Variants in SLC35D2 observed in about 807,000 individuals in gnomAD.
SLC35D2 encodes the protein nucleotide sugar transporter SLC35D2.
SLC35D2 carries 43 observed loss-of-function variants against 41.8 expected under a neutral mutation model. That is an observed-to-expected ratio of 1.03 (90% CI 0.81 to 1.33). SLC35D2 has a LOEUF of 1.33. SLC35D2 is among the 40% of genes most tolerant of loss of function. The pLI is 0.00. For missense variants in SLC35D2, 380 were observed against 408.4 expected (o/e 0.93, Z 0.60); for synonymous variants, 150 against 163.9 (o/e 0.92, Z 0.65).
At chr9:96,372,470 G>T (rs778658792) in intron 1 of SLC35D2, among the ~76,000 whole-genome samples, 26 of 149,370 alleles carry the variant, frequency 1.7e-4, no homozygotes, top group Non-Finnish European at 3.6e-4. Context: ...GGGGAGAAAA[G>T]AAGAAAAGAA....
chr9:96,326,002 G>T (rs560202251), intron 9 of SLC35D2, among the ~76,000 whole-genome samples: 3 of 152,162 alleles, frequency 2.0e-5, no homozygotes, highest in Non-Finnish European at 4.4e-5. Flanking sequence ...CTTAAATTTT[G>T]TAATCTTTGC....
chr9:96,336,869 A>G, intron 8 of SLC35D2, 85 bp from the exon 9 acceptor site: 1 of 779,974 alleles, frequency 1.3e-6, no homozygotes, highest in Non-Finnish European at 2.1e-6. Context: ...GCATTTTGAT[A>G]CAGGAACCAT....
At chr9:96,361,020 G>A (rs1415843275) in intron 3 of SLC35D2, among the ~76,000 whole-genome samples, 1 of 152,104 alleles carries the variant, frequency 6.6e-6, no homozygotes, top group Non-Finnish European at 1.5e-5. Context: ...TGGGATTACA[G>A]GTGTGAGCCA....
At chr9:96,374,600 C>T (rs1019695403) in intron 1 of SLC35D2, among the ~76,000 whole-genome samples, 8 of 150,212 alleles carry the variant, frequency 5.3e-5, no homozygotes, top group African/African-American at 1.2e-4. Flanking sequence ...TTTGGGAGGA[C>T]GAGGCGGGTG....
At chr9:96,321,378 G>A (rs1828217938) in intron 11 of SLC35D2, 37 bp from the exon 12 acceptor site, 5 of 1,456,396 alleles carry the variant, frequency 3.4e-6, no homozygotes, top group Non-Finnish European at 4.8e-6. Context: ...AAATGACTGG[G>A]AATTTCACAG....
chr9:96,313,941 G>A (rs528641145), exon 12 of SLC35D2: 1 of 152,424 alleles, frequency 6.6e-6, no homozygotes, highest in East Asian at 1.9e-4. Context: ...GGTAGAGAGG[G>A]CCCTAGCCCC....
At chr9:96,327,696 A>G (rs1168974521) in intron 9 of SLC35D2, among the ~76,000 whole-genome samples, 1 of 150,228 alleles carries the variant, frequency 6.7e-6, no homozygotes, top group Admixed American at 6.7e-5. Flanking sequence ...ATCATGGTTC[A>G]CTGCAGCCTC....
intron 2 of SLC35D2, among the ~76,000 whole-genome samples, chr9:96,364,941 T>A (rs760629635): frequency 6.8e-6 from 1 of 146,744 alleles, no homozygotes; most frequent in African/African-American, 2.5e-5. Flanking sequence ...TCCCAGCTAC[T>A]CAGGAGGCTG....
At chr9:96,330,411 CTGCTTG>C (rs1452447672) in intron 9 of SLC35D2, among the ~76,000 whole-genome samples, 2 of 152,164 alleles carry the variant, frequency 1.3e-5, no homozygotes, top group African/African-American at 4.8e-5. Context: ...ACAATTCCCC[CTGCTTG>C]TCAATTGGCA....
chr9:96,379,983 C>T (rs764772921), intron 1 of SLC35D2, among the ~76,000 whole-genome samples: 2 of 151,434 alleles, frequency 1.3e-5, no homozygotes, highest in Admixed American at 6.6e-5. Flanking sequence ...CCACAACCTC[C>T]GCCTCCCAGG....
At chr9:96,347,106 G>A (rs1829614744) in intron 6 of SLC35D2, among the ~76,000 whole-genome samples, 1 of 152,196 alleles carries the variant, frequency 6.6e-6, no homozygotes, top group Admixed American at 6.5e-5. Flanking sequence ...TCCAGCCTGA[G>A]CAACAAGAGC....
chr9:96,360,208 G>A lies in SLC35D2; in HGVS notation c.293C>T (p.Pro98Leu). 11 of 1,611,548 alleles carry A rather than the reference G, an allele frequency of 6.8e-6. No homozygotes were observed. The highest frequency in any genetic ancestry group is 9.3e-6 in the Non-Finnish European group (11 of 1,178,528). The change falls in exon 4 of 12, where the codon CCT (proline) becomes CTT (leucine). Residue 98 changes from proline to leucine, a missense_variant. Pro to Leu is a moderately conservative substitution (Grantham distance 98). Transcript: ENST00000253270. ...TATGTGGTTTCCAACGTAGAGGAGA[G>A]GCAGAGGAAACAGCTTCCATTAAAA... ...KKIPVKLFPL[P>L]LLYVGNHISG...
intron 9 of SLC35D2, among the ~76,000 whole-genome samples, chr9:96,324,438 G>A (rs1430356035): frequency 6.6e-6 from 1 of 152,084 alleles, no homozygotes; most frequent in Non-Finnish European, 1.5e-5. Context: ...CCACAACATG[G>A]GAGTAAGGAG....
intron 9 of SLC35D2, among the ~76,000 whole-genome samples, chr9:96,329,633 C>T (rs541358521): frequency 5.9e-5 from 9 of 152,304 alleles, no homozygotes; most frequent in South Asian, 2.1e-4. Context: ...TGTAAGCATA[C>T]GCTGTCCATT....
At chr9:96,357,008 G>A (rs923179820) in intron 4 of SLC35D2, among the ~76,000 whole-genome samples, 11 of 151,936 alleles carry the variant, frequency 7.2e-5, no homozygotes, top group Non-Finnish European at 1.5e-4. Context: ...GAGAAACCCC[G>A]TCTCTACTAA....
At chr9:96,342,135 G>A (rs766270519) in intron 8 of SLC35D2, among the ~76,000 whole-genome samples, 4 of 151,414 alleles carry the variant, frequency 2.6e-5, no homozygotes, top group African/African-American at 4.9e-5. Context: ...TTTTGAGATG[G>A]AGTCTCGCTC....
chr9:96,383,656 C>G lies in SLC35D2; in HGVS notation c.-22G>C. 1 of 1,019,188 alleles carries G rather than the reference C, an allele frequency of 9.8e-7. No homozygotes were observed. Among genetic ancestry groups the G allele is most frequent in the Non-Finnish European group, 1.2e-6 (1 of 854,554 alleles). The allele number at this position is 1,019,188 out of a possible 1,614,324, so 63.1% of individuals were successfully genotyped here. ...TCATCTCCTGCGGCCCCGCGGACCCCGCCGCCCGCCAGCCCCGGCTGCGCA... is the reference window on the plus strand; with the variant it reads ...TCATCTCCTGCGGCCCCGCGGACCCGGCCGCCCGCCAGCCCCGGCTGCGCA... On this transcript the variant is annotated 5_prime_UTR_variant, in exon 1 of 12. Coordinates refer to ENST00000253270, the MANE Select transcript of SLC35D2 (RefSeq NM_007001.3).
rs1831063892 is a variant in SLC35D2, at chr9:96,378,819, CT to C, written c.158+4657del. Among the ~76,000 whole-genome samples, 4 of 152,172 alleles carry C rather than the reference CT, an allele frequency of 2.6e-5. No individual in the cohort carries two copies. In the South Asian group the frequency reaches 8.3e-4, roughly 32 times the overall value. ...TGGTGCACACCTGTAGTCTCAGCTACTCAGGAGGCTGAGGTGAGAGGATCAC... is the reference window on the plus strand; with the variant it reads ...TGGTGCACACCTGTAGTCTCAGCTACCAGGAGGCTGAGGTGAGAGGATCAC... On this transcript the variant is annotated intron_variant, in intron 1 of 11. Transcript: ENST00000253270.
At chr9:96,383,429 G>A in intron 1 of SLC35D2, 48 bp downstream of exon 1, 1 of 1,461,358 alleles carries the variant, frequency 6.8e-7, no homozygotes, top group Non-Finnish European at 9.2e-7. Flanking sequence ...GGAGGACAGG[G>A]GCAGCCCCGC....
Sources: allele counts gnomAD v4.1 joint callset (sites outside exome capture counted in the v4.1 genomes callset), GRCh38; gene constraint gnomAD v4.1.1; transcripts MANE v1.5; gene names NCBI Gene and HGNC (gene_info 2026-07-23, HGNC 2026-07-21).